The following CEP104 variants were observed in gnomAD, a reference collection of about 807,000 sequenced individuals.
The protein encoded by CEP104 is centrosomal protein of 104 kDa.
CEP104 carries 84 observed loss-of-function variants against 113.3 expected under a neutral mutation model. The ratio of observed to expected loss-of-function variants is 0.74; its 90% confidence interval spans 0.62 to 0.89. CEP104 has a LOEUF of 0.89. Ranked by LOEUF, CEP104 falls within the 40% of genes least tolerant of loss-of-function variation. The pLI is 0.00. For missense variants in CEP104, 1,053 were observed against 1,156.6 expected (o/e 0.91, Z 1.30); for synonymous variants, 378 against 421.7 (o/e 0.90, Z 1.27).
intron 20 of CEP104, among the ~76,000 whole-genome samples, chr1:3,818,684 T>G (rs781342783): frequency 9.9e-5 from 15 of 152,212 alleles, no homozygotes. Flanking sequence ...AGCATTGTCT[T>G]TCAGTCTATT....
intron 13 of CEP104, among the ~76,000 whole-genome samples, chr1:3,830,439 C>T (rs993527868): frequency 6.6e-6 from 1 of 152,140 alleles, no homozygotes; most frequent in Non-Finnish European, 1.5e-5. Context: ...TAAGGGGCTT[C>T]AACCTGTACC....
At chr1:3,828,583 T>C (rs535948293) in intron 15 of CEP104, among the ~76,000 whole-genome samples, 66 of 152,312 alleles carry the variant, frequency 4.3e-4, no homozygotes, top group African/African-American at 1.6e-3. Flanking sequence ...TGCAGCCACG[T>C]GGGCTGCAGG....
In CEP104 at chr1:3,835,041, C is replaced by T. The variant is rs137949399; in HGVS notation, c.1369G>A (p.Ala457Thr). Reference protein sequence around the residue: ...TWSYREDALLALSKKLMEMPV... With the variant: ...TWSYREDALLTLSKKLMEMPV... Reference sequence around the variant, plus strand: ...ATTTCCATTAACTTCTTAGACAAGGCAAGCAGTGCATCCTCTCGGTAGGAC... The same window carrying T: ...ATTTCCATTAACTTCTTAGACAAGGTAAGCAGTGCATCCTCTCGGTAGGAC... Residue 457 changes from alanine to threonine, a missense_variant, in exon 11 of 22, where the codon GCC becomes ACC. Coordinates refer to ENST00000378230, the MANE Select transcript of CEP104 (RefSeq NM_014704.4). 20 of 1,614,092 alleles carry T rather than the reference C, an allele frequency of 1.2e-5. No individual in the cohort carries two copies. The African/African-American group carries it at 2.4e-4, about 19-fold the overall frequency.
chr1:3,814,043 A>G lies in CEP104; in HGVS notation c.*1359T>C, dbSNP rs1212663860. On this transcript the variant is annotated 3_prime_UTR_variant, in exon 22 of 22. Coordinates refer to ENST00000378230, the MANE Select transcript of CEP104 (RefSeq NM_014704.4). Reference sequence around the variant, plus strand: ...TTCAAATCGGGATTAGTTTTTAGATATTTTGTTGTTTCACACGGTTGGCAA... The same window carrying G: ...TTCAAATCGGGATTAGTTTTTAGATGTTTTGTTGTTTCACACGGTTGGCAA... 1 of 152,192 alleles carries G rather than the reference A, an allele frequency of 6.6e-6. No homozygotes were observed. The highest frequency in any genetic ancestry group is 2.4e-5 in the African/African-American group (1 of 41,448). 9.4% of individuals were successfully genotyped at this position (152,192 alleles called of 1,614,324 possible).
intron 2 of CEP104, among the ~76,000 whole-genome samples, chr1:3,850,257 C>T (rs1295986754): frequency 6.6e-6 from 1 of 152,218 alleles, no homozygotes; most frequent in Non-Finnish European, 1.5e-5. Flanking sequence ...AGCTGATGAA[C>T]ACTTTATAGA....
At chr1:3,851,133 G>A (rs1644603469) in intron 2 of CEP104, among the ~76,000 whole-genome samples, 2 of 152,068 alleles carry the variant, frequency 1.3e-5, no homozygotes, top group Admixed American at 1.3e-4. Context: ...CATCGGCCAC[G>A]GCCTGGGCAG....
At chr1:3,817,427 G>A (rs1264126889) in intron 20 of CEP104, among the ~76,000 whole-genome samples, 2 of 152,112 alleles carry the variant, frequency 1.3e-5, no homozygotes, top group African/African-American at 4.8e-5. Flanking sequence ...ACACAGCCCT[G>A]CTTCTCCCTG....
rs757345403 is a variant in CEP104, at chr1:3,825,867, CTGAA to C, written c.2256-5_2256-2del. Reference sequence around the variant, plus strand: ...CCTTTCCCCACAAAAAATACACAAACTGAAAGCAAAGCAAAGCAGGAAATAAAGG... The same window carrying C: ...CCTTTCCCCACAAAAAATACACAAACAGCAAAGCAAAGCAGGAAATAAAGG... On this transcript the variant is annotated splice_acceptor_variant and splice_polypyrimidine_tract_variant and intron_variant, in intron 17 of 21. Coordinates refer to ENST00000378230, the MANE Select transcript of CEP104 (RefSeq NM_014704.4). LOFTEE classifies it high-confidence loss of function. 5 of 1,604,442 alleles carry C rather than the reference CTGAA, an allele frequency of 3.1e-6. No individual in the cohort carries two copies. The South Asian group carries it at 4.4e-5, about 14-fold the overall frequency.
At position 3,815,319 on chromosome 1, in the gene CEP104, A is replaced by G; in HGVS notation, c.*83T>C. The G allele has an allele frequency of 9.3e-7, 1 of 1,075,428 alleles. No individual in the cohort carries two copies. The highest frequency in any genetic ancestry group is 1.4e-6 in the Non-Finnish European group (1 of 728,216). The allele number at this position is 1,075,428 out of a possible 1,614,324, so 66.6% of individuals were successfully genotyped here. ...CAGCAGCCAGAGCATGGGGCCACCA[A>G]GGCCAGAGAGTTCTGGAGAGATGGT... is the stretch of plus-strand genomic sequence containing the variant. On this transcript the variant is annotated 3_prime_UTR_variant, in exon 22 of 22. Coordinates refer to ENST00000378230, the MANE Select transcript of CEP104 (RefSeq NM_014704.4).
chr1:3,824,076 C>T (rs2368534), intron 18 of CEP104, among the ~76,000 whole-genome samples: 30,095 of 152,126 alleles, frequency 0.2, 3,404 homozygotes, highest in Non-Finnish European at 0.25. Context: ...TCATAAATTA[C>T]CCAGTCTTAG....
chr1:3,836,492 T>C lies in CEP104; in HGVS notation c.1317+3A>G, dbSNP rs35165199. 1.3e-6 allele frequency: 2 copies of C among 1,543,054 alleles called. No homozygotes were observed. The highest frequency in any genetic ancestry group is 1.4e-5 in the African/African-American group (1 of 70,418). ...CGTTTTTTTTTTTTTTTTTTTTTTT[T>C]ACCAAGGTTTCTCCCAACACATCGA... On this transcript the variant is annotated splice_donor_region_variant and intron_variant, in intron 10 of 21. Coordinates refer to ENST00000378230, the MANE Select transcript of CEP104 (RefSeq NM_014704.4).
intron 6 of CEP104, among the ~76,000 whole-genome samples, 198 bp downstream of exon 6, chr1:3,844,709 G>GAAAAAAAAAAAAAAAAAAAAAA (rs57165532): frequency 1.1e-5 from 1 of 93,022 alleles, no homozygotes. Context: ...AAAAAAAAAG[G>GAAAAAAAAAAAAAAAAAAAAAA]AAAAAAATAA....
At chr1:3,852,021 T>C (rs1644620470) in intron 2 of CEP104, among the ~76,000 whole-genome samples, 1 of 152,226 alleles carries the variant, frequency 6.6e-6, no homozygotes. Context: ...GGAGTATGGT[T>C]AGACAGTTAC....
In CEP104 at chr1:3,843,620, G is replaced by A. The variant is rs528620427; in HGVS notation, c.566+1287C>T. Among the ~76,000 whole-genome samples the A allele has an allele frequency of 1.6e-4, 25 of 151,982 alleles. No homozygotes were observed. The South Asian group carries it at 1.7e-3, about 10-fold the overall frequency. On this transcript the variant is annotated intron_variant, in intron 6 of 21. Coordinates refer to ENST00000378230, the MANE Select transcript of CEP104 (RefSeq NM_014704.4). ...TCCTGCCTTGGCCTCCCAAAGTGGT[G>A]AGATTACAGGCGTTAGCCACCACAC...
At position 3,831,076 on chromosome 1, in the gene CEP104, G is replaced by A. The variant is rs764421374; in HGVS notation, c.1806C>T (p.Ser602=). The A allele has an allele frequency of 1.2e-6, 2 of 1,614,070 alleles. No homozygotes were observed. Among genetic ancestry groups the A allele is most frequent in the Non-Finnish European group, 1.7e-6 (2 of 1,180,032 alleles). The stretch of plus-strand genomic sequence containing the variant: ...TCACGTTGTCAATGGTGAAGCCCGA[G>A]CTGCCAGTGCCCAGGTCTTTCAGCA... The part of the protein sequence containing the change: ...ARLLKDLGTG[S]SGFTIDNVMK... The change falls in exon 13 of 22, where the codon AGC becomes AGT. Residue 602 remains serine (S), a synonymous_variant. Coordinates refer to ENST00000378230, the MANE Select transcript of CEP104 (RefSeq NM_014704.4).
Position 3,848,742 on chromosome 1 carries a change from C to T in CEP104, c.153G>A (p.Val51=), listed in dbSNP as rs775048961. 1 of 1,611,630 alleles carries T rather than the reference C, an allele frequency of 6.2e-7. No homozygotes were observed. ...QFPQEIVLQM[V]ERCRIRKLQL... ...GCAGTTTCCTTATTCGACATCTCTC[C>T]ACCATTTGAAGGACAATTTCTTGTG... The change falls in exon 3 of 22, where the codon GTG becomes GTA. Residue 51 remains valine (V), a synonymous_variant. Coordinates refer to ENST00000378230, the MANE Select transcript of CEP104 (RefSeq NM_014704.4).
In CEP104 at chr1:3,852,561, G is replaced by A. The variant is rs1237874025; in HGVS notation, c.-14-140C>T. On this transcript the variant is annotated intron_variant, in intron 1 of 21. Transcript: ENST00000378230. ...GAATTTTCCCATCTCTTTGAAAAGAGTCTATTTTTTTTTGTTAAACACTTT... is the reference window on the plus strand; with the variant it reads ...GAATTTTCCCATCTCTTTGAAAAGAATCTATTTTTTTTTGTTAAACACTTT... The A allele has an allele frequency of 7.9e-6, 6 of 760,300 alleles. No individual in the cohort carries two copies. In the East Asian group the frequency reaches 1.8e-4, roughly 22 times the overall value. 47.1% of individuals were successfully genotyped at this position (760,300 alleles called of 1,614,324 possible).
At chr1:3,848,893 A>G (rs1207409132) in intron 2 of CEP104, 112 bp from the exon 3 acceptor site, 1 of 770,012 alleles carries the variant, frequency 1.3e-6, no homozygotes, top group Non-Finnish European at 2.1e-6. Context: ...CACTTTGAAC[A>G]GAACAGTCTG....
chr1:3,844,033 T>G (rs981783557), intron 6 of CEP104, among the ~76,000 whole-genome samples: 2 of 152,158 alleles, frequency 1.3e-5, no homozygotes, highest in Non-Finnish European at 2.9e-5. Flanking sequence ...AGTGCTGGGA[T>G]TACAGGCGTG....
Sources: allele counts gnomAD v4.1 joint callset (sites outside exome capture counted in the v4.1 genomes callset), GRCh38; gene constraint gnomAD v4.1.1; transcripts MANE v1.5; gene names NCBI Gene and HGNC (gene_info 2026-07-23, HGNC 2026-07-21).